OSER1: variants seen among roughly 807,000 people sequenced by gnomAD.
OSER1 encodes the protein oxidative stress responsive serine rich 1.
OSER1 carries 15 observed loss-of-function variants against 26.3 expected under a neutral mutation model. The ratio of observed to expected loss-of-function variants is 0.57; its 90% CI spans 0.38 to 0.88. The LOEUF (loss-of-function observed/expected upper bound fraction) is 0.88. Ranked by LOEUF, OSER1 falls within the 40% of genes least tolerant of loss-of-function variation. OSER1 has a pLI of 0.00. For missense variants in OSER1, 313 were observed against 353.9 expected, an observed-to-expected ratio of 0.88 and a Z score of 0.93; for synonymous variants, 127 against 128.2, an observed-to-expected ratio of 0.99 and a Z score of 0.07.
chr20:44,205,864 C>T (rs2294966), intron 2 of OSER1, among the ~76,000 whole-genome samples: 7,207 of 148,708 alleles, frequency 0.048, 245 homozygotes, highest in South Asian at 0.15. Context: ...GGCGTGAACC[C>T]GGGAGGCGGA....
chr20:44,211,779 C>T (rs62204528), upstream of OSER1, among the ~76,000 whole-genome samples: 1,200 of 152,284 alleles, frequency 7.9e-3, 17 homozygotes, highest in East Asian at 0.052. Context: ...TGCCTCTCCT[C>T]GCCTGCCAAT....
At chr20:44,204,686 C>T (rs2073021238) in intron 2 of OSER1, among the ~76,000 whole-genome samples, 1 of 152,106 alleles carries the variant, frequency 6.6e-6, no homozygotes, top group African/African-American at 2.4e-5. Flanking sequence ...GTCTATTGTT[C>T]CCATGTCCAC....
chr20:44,211,600 A>G (rs1347792943), upstream of OSER1, among the ~76,000 whole-genome samples: 1 of 152,186 alleles, frequency 6.6e-6, no homozygotes, highest in Non-Finnish European at 1.5e-5. Flanking sequence ...ATGCACCTAC[A>G]CACCAAATTT....
intron 2 of OSER1, among the ~76,000 whole-genome samples, chr20:44,205,357 T>C (rs2073027337): frequency 6.6e-6 from 1 of 152,200 alleles, no homozygotes; most frequent in Non-Finnish European, 1.5e-5. Flanking sequence ...TGCTTCTGTT[T>C]CCCAAGACAA....
At chr20:44,206,393 T>C (rs1233234399) in intron 2 of OSER1, among the ~76,000 whole-genome samples, 1 of 152,236 alleles carries the variant, frequency 6.6e-6, no homozygotes, top group African/African-American at 2.4e-5. Flanking sequence ...CTAATTAGTT[T>C]GGCCAAAGGG....
chr20:44,203,447 T>C (rs1271444468), intron 2 of OSER1, among the ~76,000 whole-genome samples: 1 of 152,218 alleles, frequency 6.6e-6, no homozygotes, highest in African/African-American at 2.4e-5. Flanking sequence ...GGAGACTCCA[T>C]CTAACTTAAC....
intron 3 of OSER1, among the ~76,000 whole-genome samples, chr20:44,200,086 C>T (rs1283563257): frequency 4.6e-5 from 7 of 152,214 alleles, no homozygotes; most frequent in Non-Finnish European, 7.4e-5. Flanking sequence ...TCTCCCTGCC[C>T]GCCTTCCTGG....
chr20:44,199,501 G>A (rs1320571449), intron 3 of OSER1, among the ~76,000 whole-genome samples: 1 of 152,086 alleles, frequency 6.6e-6, no homozygotes, highest in East Asian at 1.9e-4. Context: ...CCAGTCTCAG[G>A]TATTCAGTTA....
At position 44,196,290 on chromosome 20, in the gene OSER1, A is replaced by G. The variant is rs998894493; in HGVS notation, c.*762T>C. 3.6e-4 allele frequency among the ~76,000 whole-genome samples: 36 copies of G among 100,026 alleles called. No homozygotes were observed. Among genetic ancestry groups the G allele is most frequent in the African/African-American group, 2.6e-4 (4 of 15,270 alleles). 65.6% of individuals were successfully genotyped at this position (100,026 alleles called of 152,430 possible). ...AGGTATGAGACCTGTATTACAACTGATAACAAAAAAAAAAAAAAAAAACCG... is the reference window on the plus strand; with the variant it reads ...AGGTATGAGACCTGTATTACAACTGGTAACAAAAAAAAAAAAAAAAAACCG... On this transcript the variant is annotated 3_prime_UTR_variant, in exon 4 of 4. Transcript: ENST00000255174.
At chr20:44,208,967 A>G (rs2073067980) in intron 1 of OSER1, among the ~76,000 whole-genome samples, 1 of 152,258 alleles carries the variant, frequency 6.6e-6, no homozygotes, top group Non-Finnish European at 1.5e-5. Flanking sequence ...AAATATTTAC[A>G]GAATTCCTAC....
intron 1 of OSER1, chr20:44,210,069 GTTCT>G (rs2073083216): frequency 6.6e-6 from 1 of 152,328 alleles, no homozygotes; most frequent in Non-Finnish European, 1.5e-5. Flanking sequence ...AAAGCACAAA[GTTCT>G]TTCTTTTCAC....
chr20:44,209,498 T>C (rs2235806), intron 1 of OSER1, among the ~76,000 whole-genome samples: 38,383 of 151,954 alleles, frequency 0.25, 7,493 homozygotes, highest in African/African-American at 0.54. Flanking sequence ...TTGGCTTGCC[T>C]TTCTTCATTA....
intron 3 of OSER1, among the ~76,000 whole-genome samples, chr20:44,201,529 T>C (rs1238157758): frequency 6.6e-6 from 1 of 152,120 alleles, no homozygotes; most frequent in East Asian, 1.9e-4. Context: ...AGGTCTGAGG[T>C]GAAAGCATGG....
Position 44,196,308 on chromosome 20 carries a change from AAAAACC to A in OSER1, c.*738_*743del, listed in dbSNP as rs761699195. Among the ~76,000 whole-genome samples the A allele has an allele frequency of 4.5e-4, 64 of 141,432 alleles. No individual in the cohort carries two copies. Among genetic ancestry groups the A allele is most frequent in the African/African-American group, 1.0e-3 (35 of 33,748 alleles). The allele number at this position is 141,432 out of a possible 152,430, so 92.8% of individuals were successfully genotyped here. On this transcript the variant is annotated 3_prime_UTR_variant, in exon 4 of 4. Coordinates refer to ENST00000255174, the MANE Select transcript of OSER1 (RefSeq NM_016470.8). ...ACAACTGATAACAAAAAAAAAAAAA[AAAAACC>A]GCCATATATTTAAAATGCTGGAGAT... is the stretch of plus-strand genomic sequence containing the variant.
At chr20:44,208,804 C>T (rs570211628) in intron 1 of OSER1, among the ~76,000 whole-genome samples, 3 of 152,128 alleles carry the variant, frequency 2.0e-5, no homozygotes, top group Non-Finnish European at 4.4e-5. Flanking sequence ...CAGCTCTTAC[C>T]GAGTTCATAA....
upstream of OSER1, chr20:44,210,949 C>T (rs1555868484): frequency 6.6e-6 from 1 of 152,292 alleles, no homozygotes; most frequent in Non-Finnish European, 1.5e-5. Flanking sequence ...CAACGCCCCG[C>T]ACCCGCCCCC....
chr20:44,197,471 C>G lies in OSER1; in HGVS notation c.460G>C (p.Val154Leu), dbSNP rs772745776. ...TTACTCTCTGATGGGAGCCTTGGAA[C>G]AGAAGTTCTCAAAGGCTCAACGACT... ...GAVVEPLRTS[V>L]PRLPSESKKE... Residue 154 changes from valine to leucine, a missense_variant, in exon 4 of 4, where the codon GTT (valine) becomes CTT (leucine). Around this residue, in one of 2 missense-constraint regions of OSER1, gnomAD observed 300 missense variants for 318.3 expected, o/e 0.94. Coordinates refer to ENST00000255174, the MANE Select transcript of OSER1 (RefSeq NM_016470.8). 6.2e-7 allele frequency: 1 copy of G among 1,614,082 alleles called. No individual in the cohort carries two copies.
intron 2 of OSER1, among the ~76,000 whole-genome samples, chr20:44,205,623 G>A (rs930345806): frequency 2.0e-5 from 3 of 152,096 alleles, no homozygotes; most frequent in African/African-American, 7.2e-5. Context: ...CGCCTTCAAG[G>A]TACCACATAA....
intron 1 of OSER1, among the ~76,000 whole-genome samples, chr20:44,209,522 G>A (rs1174694279): frequency 1.3e-5 from 2 of 152,164 alleles, no homozygotes; most frequent in Non-Finnish European, 1.5e-5. Flanking sequence ...TTAAATTTGT[G>A]GGAGACAGTC....
Sources: allele counts gnomAD v4.1 joint callset (sites outside exome capture counted in the v4.1 genomes callset), GRCh38; gene constraint gnomAD v4.1.1; regional missense constraint gnomAD v4.1.1; transcripts MANE v1.5; gene names NCBI Gene and HGNC (gene_info 2026-07-23, HGNC 2026-07-21).